SNX7: variants seen among roughly 807,000 people sequenced by gnomAD.
SNX7 encodes sorting nexin 7.
Under a neutral mutation model 48.4 loss-of-function variants are expected in SNX7, and 35 were observed. The ratio of observed to expected loss-of-function variants is 0.72; its 90% CI spans 0.55 to 0.96. SNX7 has a LOEUF of 0.96. Among genes scored for constraint, SNX7 ranks in the 40% least tolerant of loss-of-function variants. The pLI, the probability that SNX7 is intolerant of heterozygous loss-of-function variation, is 0.00. For synonymous variants in SNX7, 190 were observed against 190.2 expected, an observed-to-expected ratio of 1.00 and a Z score of 0.01; for missense variants, 553 against 548.9, an observed-to-expected ratio of 1.01 and a Z score of -0.07.
chr1:98,747,332 T>C (rs967032519), intron 8 of SNX7, among the ~76,000 whole-genome samples: 5 of 152,162 alleles, frequency 3.3e-5, no homozygotes, highest in African/African-American at 7.2e-5. Context: ...CCATAAGTTA[T>C]TACAGATTCA....
intron 1 of SNX7, among the ~76,000 whole-genome samples, chr1:98,668,531 T>C (rs1570481893): frequency 6.6e-6 from 1 of 152,196 alleles, no homozygotes; most frequent in South Asian, 2.1e-4. Flanking sequence ...CCATTAACAC[T>C]GTCTTCCTTT....
chr1:98,760,334 G>A lies in SNX7; in HGVS notation c.*203G>A. 2 of 428,204 alleles carry A rather than the reference G, an allele frequency of 4.7e-6. No homozygotes were observed. Among genetic ancestry groups the A allele is most frequent in the Non-Finnish European group, 8.4e-6 (2 of 238,942 alleles). The allele number at this position is 428,204 out of a possible 1,614,324, so 26.5% of individuals were successfully genotyped here. A position where few individuals can be genotyped will look rare whatever the true frequency, so the allele number is the denominator to read the frequency against. ...TATCTGTATGGATATATATCTATAT[G>A]TATATAGATATATAAATACAGAGAG... On this transcript the variant is annotated 3_prime_UTR_variant, in exon 9 of 9. Transcript: ENST00000306121.
intron 7 of SNX7, among the ~76,000 whole-genome samples, chr1:98,723,403 A>AT (rs1408833010): frequency 5.3e-5 from 8 of 152,004 alleles, no homozygotes; most frequent in African/African-American, 1.9e-4. Context: ...ATTACTAAGT[A>AT]CCTTATTTTT....
At chr1:98,743,137 G>T (rs973162075) in intron 8 of SNX7, among the ~76,000 whole-genome samples, 1 of 151,722 alleles carries the variant, frequency 6.6e-6, no homozygotes, top group Non-Finnish European at 1.5e-5. Context: ...TCTTATTTAG[G>T]AATGTCAGTT....
At chr1:98,680,047 C>T (rs1650392499) in intron 1 of SNX7, among the ~76,000 whole-genome samples, 1 of 152,226 alleles carries the variant, frequency 6.6e-6, no homozygotes, top group Non-Finnish European at 1.5e-5. Flanking sequence ...ATGAGAGCTC[C>T]ATCCCTATAG....
chr1:98,728,934 A>G (rs1653340862), intron 7 of SNX7, among the ~76,000 whole-genome samples: 1 of 152,194 alleles, frequency 6.6e-6, no homozygotes, highest in Admixed American at 6.5e-5. Flanking sequence ...TCAGCTAGGG[A>G]TCAAGTGGAC....
At chr1:98,759,661 A>G (rs765613243) in intron 8 of SNX7, among the ~76,000 whole-genome samples, 8 of 152,086 alleles carry the variant, frequency 5.3e-5, no homozygotes, top group Non-Finnish European at 1.2e-4. Context: ...ATAAAGATTA[A>G]TCAACTTTCT....
intron 1 of SNX7, among the ~76,000 whole-genome samples, chr1:98,680,612 T>C (rs1214348019): frequency 1.3e-5 from 2 of 152,164 alleles, no homozygotes; most frequent in African/African-American, 4.8e-5. Flanking sequence ...GCTTTGCTGC[T>C]CAGAAATTTC....
At chr1:98,729,838 A>G (rs982026273) in intron 7 of SNX7, among the ~76,000 whole-genome samples, 1 of 152,114 alleles carries the variant, frequency 6.6e-6, no homozygotes, top group Admixed American at 6.6e-5. Flanking sequence ...GAACAAAGAG[A>G]GGCTGTTACC....
chr1:98,712,449 T>G (rs1323531597), intron 7 of SNX7, among the ~76,000 whole-genome samples: 1 of 152,060 alleles, frequency 6.6e-6, no homozygotes, highest in East Asian at 1.9e-4. Context: ...TCCGTCAGAG[T>G]TTTTCAGTGA....
At chr1:98,745,673 T>C (rs889677516) in intron 8 of SNX7, among the ~76,000 whole-genome samples, 5 of 152,112 alleles carry the variant, frequency 3.3e-5, no homozygotes, top group Admixed American at 1.3e-4. Flanking sequence ...GCCATTTTTA[T>C]ACCAGTTAAC....
At chr1:98,669,872 A>G (rs916365939) in intron 1 of SNX7, among the ~76,000 whole-genome samples, 5 of 152,214 alleles carry the variant, frequency 3.3e-5, no homozygotes, top group Non-Finnish European at 5.9e-5. Context: ...TCTGCCTTAT[A>G]AATAGATATT....
intron 7 of SNX7, among the ~76,000 whole-genome samples, chr1:98,731,333 T>G (rs1414985389): frequency 1.3e-5 from 2 of 152,122 alleles, no homozygotes; most frequent in Non-Finnish European, 2.9e-5. Flanking sequence ...TGGCCCATAG[T>G]AGACAGGAAG....
chr1:98,745,009 C>T (rs1654246527), intron 8 of SNX7, among the ~76,000 whole-genome samples: 1 of 152,016 alleles, frequency 6.6e-6, no homozygotes, highest in South Asian at 2.1e-4. Context: ...AACAATGTTT[C>T]CAAAGTAACC....
chr1:98,662,690 C>T (rs1166221349), intron 1 of SNX7: 1 of 1,289,094 alleles, frequency 7.8e-7, no homozygotes, highest in African/African-American at 1.5e-5. Context: ...AAATACCTTT[C>T]TTGCAGGGAG....
chr1:98,711,021 A>G (rs911410767), intron 7 of SNX7, among the ~76,000 whole-genome samples: 1 of 152,106 alleles, frequency 6.6e-6, no homozygotes, highest in African/African-American at 2.4e-5. Flanking sequence ...TAAAGTATAA[A>G]TAGTTATTAT....
chr1:98,752,619 T>C (rs1374014694), intron 8 of SNX7, among the ~76,000 whole-genome samples: 1 of 152,008 alleles, frequency 6.6e-6, no homozygotes. Flanking sequence ...AGTGTTCAAA[T>C]AGAAAAGTGC....
intron 1 of SNX7, among the ~76,000 whole-genome samples, chr1:98,673,790 A>G (rs1007040252): frequency 6.6e-6 from 1 of 152,246 alleles, no homozygotes; most frequent in Non-Finnish European, 1.5e-5. Context: ...TAAAATATGG[A>G]CAATGATAAT....
chr1:98,735,245 T>C (rs763460064), intron 7 of SNX7, among the ~76,000 whole-genome samples: 1 of 152,260 alleles, frequency 6.6e-6, no homozygotes, highest in East Asian at 1.9e-4. Flanking sequence ...TTTTGTAAGT[T>C]GTTAGGAAAG....
Sources: gnomAD v4.1 joint callset for allele counts (sites outside exome capture counted in the v4.1 genomes callset) on GRCh38, gnomAD v4.1.1 for gene constraint, MANE v1.5 for transcripts, NCBI Gene and HGNC (gene_info 2026-07-23, HGNC 2026-07-21) for gene names.